ZFP69: variants seen among roughly 807,000 people sequenced by gnomAD.
ZFP69 encodes zinc finger protein 69 homolog.
In ZFP69, 35 loss-of-function variants were observed where a neutral mutation model predicts 48.9. That is an observed-to-expected ratio of 0.72 (90% CI 0.55 to 0.95). ZFP69 has a LOEUF of 0.95. ZFP69 is among the 40% of genes least tolerant of loss of function. The pLI, the probability that ZFP69 is intolerant of heterozygous loss-of-function variation, is 0.00. For missense variants in ZFP69, 557 were observed against 638.4 expected (o/e 0.87, Z 1.37); for synonymous variants, 193 against 216.8 (o/e 0.89, Z 0.96).
intron 3 of ZFP69, among the ~76,000 whole-genome samples, chr1:40,482,848 G>A (rs1386354833): frequency 2.0e-5 from 3 of 152,052 alleles, no homozygotes; most frequent in African/African-American, 7.2e-5. Flanking sequence ...AAAATTGACA[G>A]AACTAAAGAG....
rs140060765 is a variant in ZFP69 at position 40,487,017 on chromosome 1, C to T, written c.220-2071C>T. Among the ~76,000 whole-genome samples the T allele has an allele frequency of 2.1e-3, 312 of 151,718 alleles. 2 individuals carry two copies. Among genetic ancestry groups the T allele is most frequent in the African/African-American group, 7.2e-3 (296 of 41,328 alleles). On this transcript the variant is annotated intron_variant, in intron 3 of 5. Coordinates refer to ENST00000372706, the MANE Select transcript of ZFP69 (RefSeq NM_001320179.2). Reference sequence around the variant, plus strand: ...TCGGCTCACTGCAACCTCCGCCTCCCGGGTTCAAGTGATTCTTCTGCCTCA... The same window carrying T: ...TCGGCTCACTGCAACCTCCGCCTCCTGGGTTCAAGTGATTCTTCTGCCTCA...
At chr1:40,487,846 A>G (rs931596413) in intron 3 of ZFP69, among the ~76,000 whole-genome samples, 3 of 152,070 alleles carry the variant, frequency 2.0e-5, no homozygotes, top group Non-Finnish European at 4.4e-5. Flanking sequence ...CAGGAGTTCG[A>G]GACCAGTCTG....
chr1:40,484,531 TC>T (rs1645475774), intron 3 of ZFP69, among the ~76,000 whole-genome samples: 1 of 152,028 alleles, frequency 6.6e-6, no homozygotes, highest in Non-Finnish European at 1.5e-5. Context: ...GAATCATTTT[TC>T]CAGTATTCCA....
chr1:40,487,050 G>T (rs1443206508), intron 3 of ZFP69, among the ~76,000 whole-genome samples: 1 of 151,206 alleles, frequency 6.6e-6, no homozygotes, highest in South Asian at 2.1e-4. Flanking sequence ...TCAGCCTTCC[G>T]AGTAGCTGGG....
chr1:40,490,382 G>C (rs1402967309), intron 5 of ZFP69, among the ~76,000 whole-genome samples: 6 of 152,146 alleles, frequency 3.9e-5, no homozygotes, highest in Non-Finnish European at 5.9e-5. Context: ...TAATATGTAG[G>C]TCAGAGTGCT....
intron 3 of ZFP69, among the ~76,000 whole-genome samples, chr1:40,487,528 C>CA (rs1258788933): frequency 2.6e-5 from 4 of 152,098 alleles, no homozygotes; most frequent in African/African-American, 9.7e-5. Context: ...GTGCCATTCT[C>CA]AGTTGAGAGA....
chr1:40,479,513 A>C, intron 2 of ZFP69, 25 bp downstream of exon 2: 1 of 1,597,072 alleles, frequency 6.3e-7, no homozygotes, highest in Non-Finnish European at 8.5e-7. Context: ...ATGGAGGGGG[A>C]AGAAGGGGAT....
At chr1:40,481,708 C>T in intron 2 of ZFP69, 55 bp from the exon 3 acceptor site, 1 of 1,447,460 alleles carries the variant, frequency 6.9e-7, no homozygotes. Flanking sequence ...CAGGCAATTT[C>T]TTTATTTGGG....
chr1:40,483,570 T>C (rs1570019960), intron 3 of ZFP69, among the ~76,000 whole-genome samples: 2 of 152,306 alleles, frequency 1.3e-5, no homozygotes, highest in Admixed American at 1.3e-4. Flanking sequence ...ATGTAAATTG[T>C]ACTTCAGTTT....
Position 40,479,309 on chromosome 1 carries a change from A to T in ZFP69, c.-53A>T. Reference sequence around the variant, plus strand: ...CACAACTGTGAAGCGTCTCATCAAGAGCTTCTGGCAATTTCCTCACCAGAA... The same window carrying T: ...CACAACTGTGAAGCGTCTCATCAAGTGCTTCTGGCAATTTCCTCACCAGAA... On this transcript the variant is annotated 5_prime_UTR_variant, in exon 2 of 6. Coordinates refer to ENST00000372706, the MANE Select transcript of ZFP69 (RefSeq NM_001320179.2). 6.2e-7 allele frequency: 1 copy of T among 1,609,132 alleles called. No homozygotes were observed. Among genetic ancestry groups the T allele is most frequent in the Non-Finnish European group, 8.5e-7 (1 of 1,177,656 alleles).
intron 3 of ZFP69, among the ~76,000 whole-genome samples, chr1:40,482,426 T>C (rs1026177267): frequency 6.6e-6 from 1 of 152,062 alleles, no homozygotes; most frequent in Non-Finnish European, 1.5e-5. Flanking sequence ...ACAAATGGGA[T>C]AGTCAGTACT....
intron 2 of ZFP69, among the ~76,000 whole-genome samples, chr1:40,481,417 T>C (rs1336791529): frequency 6.6e-6 from 1 of 152,110 alleles, no homozygotes; most frequent in Non-Finnish European, 1.5e-5. Flanking sequence ...TGGGGAACCT[T>C]TGAGGATTTT....
intron 5 of ZFP69, 103 bp downstream of exon 5, chr1:40,489,727 G>A: frequency 2.5e-6 from 2 of 815,344 alleles, no homozygotes; most frequent in Non-Finnish European, 3.8e-6. Flanking sequence ...TGATTCTGCA[G>A]GCTGTACAGG....
intron 3 of ZFP69, among the ~76,000 whole-genome samples, chr1:40,482,217 T>TAAA (rs368154376): frequency 6.6e-6 from 1 of 152,070 alleles, no homozygotes; most frequent in African/African-American, 2.4e-5. Context: ...TCAAAATGTG[T>TAAA]AAGAAGGTTC....
intron 2 of ZFP69, among the ~76,000 whole-genome samples, chr1:40,480,181 G>A (rs1645429236): frequency 6.6e-6 from 1 of 152,042 alleles, no homozygotes; most frequent in East Asian, 1.9e-4. Flanking sequence ...ATTGAGATAG[G>A]CATACACCTC....
intron 5 of ZFP69, among the ~76,000 whole-genome samples, 164 bp from the exon 6 acceptor site, chr1:40,494,757 C>T (rs2124464327): frequency 6.8e-6 from 1 of 146,840 alleles, no homozygotes. Context: ...ACACTTTTAA[C>T]CTGTTCACTG....
In ZFP69 at chr1:40,496,240, ATTAAAATCTGGTCCT is replaced by A; in HGVS notation, c.*183_*197del. 1 of 498,102 alleles carries A rather than the reference ATTAAAATCTGGTCCT, an allele frequency of 2.0e-6. No individual in the cohort carries two copies. The allele number at this position is 498,102 out of a possible 1,614,324, so 30.9% of individuals were successfully genotyped here. A position where few individuals can be genotyped will look rare whatever the true frequency, so the allele number is the denominator to read the frequency against. ...CTAACACCTCTAAAAAGTACTTAAG[ATTAAAATCTGGTCCT>A]TAAAATTAAATGAATTCAGCATTAT... On this transcript the variant is annotated 3_prime_UTR_variant, in exon 6 of 6. Coordinates refer to ENST00000372706, the MANE Select transcript of ZFP69 (RefSeq NM_001320179.2).
At chr1:40,480,183 A>G (rs940460890) in intron 2 of ZFP69, among the ~76,000 whole-genome samples, 2 of 152,222 alleles carry the variant, frequency 1.3e-5, no homozygotes, top group African/African-American at 2.4e-5. Context: ...TGAGATAGGC[A>G]TACACCTCAA....
chr1:40,483,956 A>G (rs1645469083), intron 3 of ZFP69, among the ~76,000 whole-genome samples: 1 of 152,088 alleles, frequency 6.6e-6, no homozygotes, highest in African/African-American at 2.4e-5. Context: ...TGTGCCTGTA[A>G]TCCCAGCTAC....
Sources: allele counts gnomAD v4.1 joint callset (sites outside exome capture counted in the v4.1 genomes callset), GRCh38; gene constraint gnomAD v4.1.1; transcripts MANE v1.5; gene names NCBI Gene and HGNC (gene_info 2026-07-23, HGNC 2026-07-21).